The following FAM20C variants were observed in gnomAD, a reference collection of about 807,000 sequenced individuals.
FAM20C encodes the protein FAM20C golgi associated secretory pathway kinase.
A neutral mutation model predicts 51.5 loss-of-function variants in FAM20C; 40 were observed. That is an observed-to-expected ratio of 0.78 (90% CI 0.60 to 1.01). FAM20C has a LOEUF of 1.01. FAM20C is among the 50% of genes least tolerant of loss of function. The pLI is 0.00. For synonymous variants in FAM20C, 406 were observed against 380.6 expected, an observed-to-expected ratio of 1.07 and a Z score of -0.78; for missense variants, 861 against 844.7, an observed-to-expected ratio of 1.02 and a Z score of -0.24.
chr7:219,911 G>A (rs933003226), intron 3 of FAM20C, among the ~76,000 whole-genome samples: 4 of 152,228 alleles, frequency 2.6e-5, no homozygotes, highest in Admixed American at 2.0e-4. Context: ...AAGGCAAACA[G>A]ATTGCCCAAT....
In FAM20C at chr7:193,275, G is replaced by A; in HGVS notation, c.76G>A (p.Ala26Thr). The A allele has an allele frequency of 6.9e-7, 1 of 1,448,934 alleles. No individual in the cohort carries two copies. The highest frequency in any genetic ancestry group is 9.1e-7 in the Non-Finnish European group (1 of 1,097,004). The allele number at this position is 1,448,934 out of a possible 1,614,324, so 89.8% of individuals were successfully genotyped here. Residue 26 changes from alanine to threonine, a missense_variant, in exon 1 of 10, where the codon GCC (alanine) becomes ACC (threonine). Around this residue, in one of 3 missense-constraint regions of FAM20C, gnomAD observed 561 missense variants for 499.8 expected, o/e 1.12. Transcript: ENST00000313766. ...VFLVACALHI[A>T]LDLLPRLERR... ...CCTGGTGGCCTGCGCGCTGCACATC[G>A]CCCTGGACCTGCTGCCCAGGCTGGA... is the stretch of plus-strand genomic sequence containing the variant.
chr7:248,536 C>G, intron 5 of FAM20C, 106 bp downstream of exon 5: 2 of 756,872 alleles, frequency 2.6e-6, no homozygotes, highest in South Asian at 3.2e-5. Context: ...ATTCATCTCG[C>G]CAGGTAGCCT....
chr7:211,585 G>A (rs990152188), intron 3 of FAM20C, among the ~76,000 whole-genome samples: 13 of 152,154 alleles, frequency 8.5e-5, no homozygotes, highest in Non-Finnish European at 1.6e-4. Flanking sequence ...GGACCCGTTT[G>A]TCAGGGCCCT....
In FAM20C at chr7:201,250, C is replaced by T. The variant is rs558376165; in HGVS notation, c.784+5518C>T. Reference sequence around the variant, plus strand: ...CCTGACCGTGACCCCCAAGGACAGACGCTGGCCCTCTTGACGGACGAGATG... The same window carrying T: ...CCTGACCGTGACCCCCAAGGACAGATGCTGGCCCTCTTGACGGACGAGATG... On this transcript the variant is annotated intron_variant, in intron 2 of 9. Coordinates refer to ENST00000313766, the MANE Select transcript of FAM20C (RefSeq NM_020223.4). Among the ~76,000 whole-genome samples, 35 of 152,322 alleles carry T rather than the reference C, an allele frequency of 2.3e-4. No individual in the cohort carries two copies. In the South Asian group the frequency reaches 6.0e-3, roughly 26 times the overall value.
At chr7:247,448 C>A (rs1185867187) in intron 4 of FAM20C, among the ~76,000 whole-genome samples, 2 of 152,166 alleles carry the variant, frequency 1.3e-5, no homozygotes, top group Non-Finnish European at 2.9e-5. Context: ...GGGCCGGCAG[C>A]ATTGGGGTTG....
intron 3 of FAM20C, among the ~76,000 whole-genome samples, chr7:235,075 C>T (rs910014273): frequency 6.6e-6 from 1 of 152,204 alleles, no homozygotes; most frequent in Non-Finnish European, 1.5e-5. Flanking sequence ...TGTCACATCA[C>T]GTTAGCCCAG....
chr7:200,742 G>A (rs962978680), intron 2 of FAM20C, among the ~76,000 whole-genome samples: 1 of 152,204 alleles, frequency 6.6e-6, no homozygotes, highest in African/African-American at 2.4e-5. Flanking sequence ...TCCTGAGGGT[G>A]GTGTGTGATG....
chr7:219,316 G>A (rs1300251339), intron 3 of FAM20C, among the ~76,000 whole-genome samples: 1 of 151,484 alleles, frequency 6.6e-6, no homozygotes, highest in Non-Finnish European at 1.5e-5. Context: ...CTGAGTGCAT[G>A]GATGAAAAGT....
chr7:234,061 G>A (rs1019631570), intron 3 of FAM20C, among the ~76,000 whole-genome samples: 16 of 152,326 alleles, frequency 1.1e-4, no homozygotes, highest in South Asian at 2.1e-4. Context: ...CCCCCCTGGG[G>A]GCTGCCTTCC....
At chr7:199,713 G>T (rs564411570) in intron 2 of FAM20C, among the ~76,000 whole-genome samples, 1 of 152,318 alleles carries the variant, frequency 6.6e-6, no homozygotes, top group Non-Finnish European at 1.5e-5. Context: ...GCTCCTGGCT[G>T]CCTGGTAACC....
At chr7:220,447 C>T (rs904624420) in intron 3 of FAM20C, among the ~76,000 whole-genome samples, 8 of 152,078 alleles carry the variant, frequency 5.3e-5, no homozygotes, top group Non-Finnish European at 1.0e-4. Flanking sequence ...TACGCAGGAA[C>T]GTTTCAGAGA....
At chr7:204,468 AG>A (rs1786260795) in intron 2 of FAM20C, among the ~76,000 whole-genome samples, 1 of 152,246 alleles carries the variant, frequency 6.6e-6, no homozygotes, top group African/African-American at 2.4e-5. Flanking sequence ...GGTTCCTGAC[AG>A]GGTAGTGGCT....
At position 228,159 on chromosome 7, in the gene FAM20C, CA is replaced by C. The variant is rs572537773; in HGVS notation, c.864-18255del. On this transcript the variant is annotated intron_variant, in intron 3 of 9. Transcript: ENST00000313766. The stretch of plus-strand genomic sequence containing the variant: ...GGCCTGTGCCTGCGTAACGAAACAC[CA>C]GGGGGGAAAGCCATCCGCCTGGCAT... The C allele has an allele frequency of 1.1e-3, 347 of 316,160 alleles. 3 individuals are homozygous for C. Among genetic ancestry groups the C allele is most frequent in the African/African-American group, 6.7e-3 (311 of 46,396 alleles). The allele number at this position is 316,160 out of a possible 1,614,324, so 19.6% of individuals were successfully genotyped here.
chr7:198,087 G>C (rs762756035), intron 2 of FAM20C, among the ~76,000 whole-genome samples: 3 of 152,142 alleles, frequency 2.0e-5, no homozygotes, highest in Admixed American at 2.0e-4. Context: ...GATCTCGCTC[G>C]CTCGCCTCCT....
At chr7:236,154 A>C (rs1011769485) in intron 3 of FAM20C, among the ~76,000 whole-genome samples, 2 of 151,948 alleles carry the variant, frequency 1.3e-5, no homozygotes, top group East Asian at 3.9e-4. Context: ...CCGGGGGCTG[A>C]ATCAGCAGCA....
At chr7:199,056 T>C (rs1351335774) in intron 2 of FAM20C, among the ~76,000 whole-genome samples, 1 of 152,218 alleles carries the variant, frequency 6.6e-6, no homozygotes. Context: ...CCAGGTCTCC[T>C]GGTCTGCAGG....
At position 237,557 on chromosome 7, in the gene FAM20C, A is replaced by G. The variant is rs1787883171; in HGVS notation, c.864-8858A>G. Among the ~76,000 whole-genome samples, 4 of 152,068 alleles carry G rather than the reference A, an allele frequency of 2.6e-5. No individual in the cohort carries two copies. The South Asian group carries it at 8.3e-4, about 31-fold the overall frequency. The stretch of plus-strand genomic sequence containing the variant: ...AATGATGACGGTTACGTTGGTGGTG[A>G]TGACCATGGTAGGAGTGGTGGTGAT... On this transcript the variant is annotated intron_variant, in intron 3 of 9. Coordinates refer to ENST00000313766, the MANE Select transcript of FAM20C (RefSeq NM_020223.4).
chr7:220,103 A>G (rs28459431), intron 3 of FAM20C, among the ~76,000 whole-genome samples: 144,449 of 152,264 alleles, frequency 0.95, 68,709 homozygotes, highest in East Asian at 1. Flanking sequence ...CCAAGCCAAG[A>G]CCCCTTGCAG....
chr7:206,763 C>T lies in FAM20C; in HGVS notation c.785-2135C>T, dbSNP rs67593831. Among the ~76,000 whole-genome samples, 179 of 25,256 alleles carry T rather than the reference C, an allele frequency of 7.1e-3. 23 individuals are homozygous for T. The highest frequency in any genetic ancestry group is 0.014 in the South Asian group (12 of 828). The allele number at this position is 25,256 out of a possible 152,430, so 16.6% of individuals were successfully genotyped here. On this transcript the variant is annotated intron_variant, in intron 2 of 9. Transcript: ENST00000313766. ...CACGTGCTCACTGTCCACTGTGACG[C>T]GTCTGTCACGGTCCCCTCGGCCCCG...
Sources: allele counts gnomAD v4.1 joint callset (sites outside exome capture counted in the v4.1 genomes callset), GRCh38; gene constraint gnomAD v4.1.1; regional missense constraint gnomAD v4.1.1; transcripts MANE v1.5; gene names NCBI Gene and HGNC (gene_info 2026-07-23, HGNC 2026-07-21).